HS3ST3A1: variants seen among roughly 807,000 people sequenced by gnomAD.
HS3ST3A1 encodes heparan sulfate-glucosamine 3-sulfotransferase 3A1, also known as heparan sulfate glucosamine 3-O-sulfotransferase 3A1.
In HS3ST3A1, 19 loss-of-function variants were observed where a neutral mutation model predicts 25.7. The observed-to-expected ratio is 0.74, with a 90% confidence interval of 0.52 to 1.08. HS3ST3A1 has a LOEUF of 1.08. Ranked by LOEUF, HS3ST3A1 falls within the 50% of genes least tolerant of loss-of-function variation. HS3ST3A1 has a pLI of 0.00. For synonymous variants in HS3ST3A1, 226 were observed against 278.6 expected (o/e 0.81, Z 1.88); for missense variants, 459 against 594.3 (o/e 0.77, Z 2.37).
intron 1 of HS3ST3A1, among the ~76,000 whole-genome samples, chr17:13,569,286 T>G (rs993232936): frequency 6.6e-6 from 1 of 152,218 alleles, no homozygotes; most frequent in Non-Finnish European, 1.5e-5. Context: ...TTGTGGTAGC[T>G]GTTACATTTT....
At chr17:13,547,754 C>T (rs1907126453) in intron 1 of HS3ST3A1, among the ~76,000 whole-genome samples, 1 of 152,032 alleles carries the variant, frequency 6.6e-6, no homozygotes, top group African/African-American at 2.4e-5. Flanking sequence ...TGATATTTAG[C>T]CAGTCAGTCA....
At chr17:13,531,380 T>C (rs1225625798) in intron 1 of HS3ST3A1, among the ~76,000 whole-genome samples, 1 of 152,182 alleles carries the variant, frequency 6.6e-6, no homozygotes, top group African/African-American at 2.4e-5. Flanking sequence ...ATGGCAGCTA[T>C]AATGGTGGAG....
intron 1 of HS3ST3A1, among the ~76,000 whole-genome samples, chr17:13,519,866 A>C (rs1375094665): frequency 6.6e-6 from 1 of 152,210 alleles, no homozygotes. Context: ...AACAAATGGC[A>C]AGCATTTAAA....
At chr17:13,509,881 C>G (rs774253867) in intron 1 of HS3ST3A1, among the ~76,000 whole-genome samples, 2 of 152,208 alleles carry the variant, frequency 1.3e-5, no homozygotes, top group Non-Finnish European at 2.9e-5. Flanking sequence ...GCTTGGCTCA[C>G]TGTTCTTTCT....
intron 1 of HS3ST3A1, among the ~76,000 whole-genome samples, chr17:13,561,436 G>C (rs1907546407): frequency 6.6e-6 from 1 of 150,500 alleles, no homozygotes; most frequent in South Asian, 2.1e-4. Context: ...GCCCAGGCTA[G>C]AGTACAGTGG....
chr17:13,563,434 T>C (rs1327174600), intron 1 of HS3ST3A1, among the ~76,000 whole-genome samples: 5 of 152,154 alleles, frequency 3.3e-5, no homozygotes, highest in South Asian at 2.1e-4. Flanking sequence ...GGAGGACCTA[T>C]GCCAGCTGGG....
At chr17:13,506,140 G>A (rs1313227136) in intron 1 of HS3ST3A1, among the ~76,000 whole-genome samples, 1 of 143,346 alleles carries the variant, frequency 7.0e-6, no homozygotes, top group Non-Finnish European at 1.5e-5. Context: ...AGACAAAATA[G>A]TATTAGTTTT....
At position 13,571,079 on chromosome 17, in the gene HS3ST3A1, C is replaced by T. The variant is rs556348679; in HGVS notation, c.599+29452G>A. ...TGCTATCAGCCCATACAAATTCATG[C>T]GTAGTTAGAACTAGAGCCAAACTGG... On this transcript the variant is annotated intron_variant, in intron 1 of 1. Transcript: ENST00000284110. 6.6e-5 allele frequency among the ~76,000 whole-genome samples: 10 copies of T among 152,138 alleles called. No homozygotes were observed. The East Asian group carries it at 1.5e-3, about 24-fold the overall frequency.
At chr17:13,535,325 C>G (rs955934873) in intron 1 of HS3ST3A1, among the ~76,000 whole-genome samples, 1 of 152,134 alleles carries the variant, frequency 6.6e-6, no homozygotes, top group Non-Finnish European at 1.5e-5. Flanking sequence ...CTTAGGAACA[C>G]TAGATGGCAA....
In HS3ST3A1 at chr17:13,600,234, G is replaced by T. The variant is rs148445677; in HGVS notation, c.599+297C>A. ...GAAGAGACTTTTTTTTTTTCCTTTA[G>T]TTAAATACATGAATACTTTCGCAGA... On this transcript the variant is annotated intron_variant, in intron 1 of 1. Coordinates refer to ENST00000284110, the MANE Select transcript of HS3ST3A1 (RefSeq NM_006042.3). Among the ~76,000 whole-genome samples the T allele has an allele frequency of 2.3e-3, 349 of 151,202 alleles. 3 individuals carry two copies. Among genetic ancestry groups the T allele is most frequent in the African/African-American group, 7.9e-3 (325 of 41,244 alleles).
intron 1 of HS3ST3A1, among the ~76,000 whole-genome samples, chr17:13,521,350 C>T (rs1192532946): frequency 6.6e-6 from 1 of 152,172 alleles, no homozygotes; most frequent in African/African-American, 2.4e-5. Flanking sequence ...AAGTAATTAG[C>T]CTGATGGGGA....
intron 1 of HS3ST3A1, among the ~76,000 whole-genome samples, chr17:13,564,278 G>A (rs1907621429): frequency 2.6e-5 from 4 of 152,158 alleles, no homozygotes; most frequent in Admixed American, 2.0e-4. Flanking sequence ...TTTCTCAAAA[G>A]GTTCAGATGC....
intron 1 of HS3ST3A1, among the ~76,000 whole-genome samples, chr17:13,530,167 T>C (rs80157336): frequency 0.039 from 6,006 of 152,250 alleles, 216 homozygotes; most frequent in African/African-American, 0.08. Context: ...AGGACACTCC[T>C]GCTCAGACAT....
At chr17:13,581,282 C>T (rs935325907) in intron 1 of HS3ST3A1, among the ~76,000 whole-genome samples, 17 of 152,034 alleles carry the variant, frequency 1.1e-4, no homozygotes, top group Non-Finnish European at 2.9e-5. Context: ...GCCTGGCCAA[C>T]ATGGCAAAAC....
At chr17:13,522,178 C>T (rs1459027837) in intron 1 of HS3ST3A1, among the ~76,000 whole-genome samples, 2 of 151,764 alleles carry the variant, frequency 1.3e-5, no homozygotes, top group Admixed American at 6.6e-5. Context: ...ACATGTATTT[C>T]ATATTCATCT....
intron 1 of HS3ST3A1, among the ~76,000 whole-genome samples, chr17:13,518,445 TA>T (rs1199980162): frequency 6.6e-6 from 1 of 152,176 alleles, no homozygotes; most frequent in East Asian, 1.9e-4. Flanking sequence ...AAACAGGCAA[TA>T]AAAAAATGTT....
In HS3ST3A1 at chr17:13,494,109, T is replaced by TGC. The variant is rs935795895; in HGVS notation, c.*2086_*2087dup. Among the ~76,000 whole-genome samples the TGC allele has an allele frequency of 1.3e-3, 203 of 152,382 alleles. No homozygotes were observed. The highest frequency in any genetic ancestry group is 4.7e-3 in the African/African-American group (197 of 41,592). On this transcript the variant is annotated 3_prime_UTR_variant, in exon 2 of 2. Transcript: ENST00000284110. ...GTTGCAGAATGCAATTGTTTCTTTG[T>TGC]GCAAGCCACTTTTGCATAATGCCAA...
At chr17:13,600,446 T>TG (rs1441772519) in intron 1 of HS3ST3A1, 85 bp downstream of exon 1, 120 of 1,439,470 alleles carry the variant, frequency 8.3e-5, no homozygotes, top group Non-Finnish European at 9.7e-5. Flanking sequence ...GAGGGCGAAC[T>TG]GGGGGTCACC....
intron 1 of HS3ST3A1, among the ~76,000 whole-genome samples, chr17:13,504,976 A>G (rs1429251861): frequency 6.6e-6 from 1 of 152,216 alleles, no homozygotes; most frequent in Non-Finnish European, 1.5e-5. Flanking sequence ...TACTTGCAAA[A>G]CATTTGGGTG....
Sources: allele counts gnomAD v4.1 joint callset (sites outside exome capture counted in the v4.1 genomes callset), GRCh38; gene constraint gnomAD v4.1.1; transcripts MANE v1.5; gene names NCBI Gene and HGNC (gene_info 2026-07-23, HGNC 2026-07-21).